The following LGMN variants were observed in gnomAD, a reference collection of about 807,000 sequenced individuals.
LGMN encodes asparaginyl endopeptidase.
LGMN carries 36 observed loss-of-function variants against 56.8 expected under a neutral mutation model. The observed-to-expected ratio is 0.63, with a 90% CI of 0.49 to 0.84. LGMN has a LOEUF of 0.84. Ranked by LOEUF, LGMN falls within the 40% of genes least tolerant of loss-of-function variation. The pLI is 0.00. For missense variants in LGMN, 446 were observed against 556.1 expected (o/e 0.80, Z 1.99); for synonymous variants, 199 against 210.1 (o/e 0.95, Z 0.46).
chr14:92,747,630 C>T (rs1453963571), intron 1 of LGMN, among the ~76,000 whole-genome samples: 1 of 152,242 alleles, frequency 6.6e-6, no homozygotes, highest in Non-Finnish European at 1.5e-5. Flanking sequence ...CCCTTTAACA[C>T]TGGAACTGTT....
chr14:92,719,152 GCCACTGCCA>G lies in LGMN; in HGVS notation c.139-317_139-309del, dbSNP rs1255617922. Among the ~76,000 whole-genome samples, 27 of 67,102 alleles carry G rather than the reference GCCACTGCCA, an allele frequency of 4.0e-4. 1 individual carries two copies. The highest frequency in any genetic ancestry group is 1.2e-3 in the East Asian group (2 of 1,724). 44.0% of individuals were successfully genotyped at this position (67,102 alleles called of 152,430 possible). ...AACCACCGCCACCGCCACCACCACC[GCCACTGCCA>G]CCACCACCACCACCACCACCATCAC... On this transcript the variant is annotated intron_variant, in intron 2 of 13. Transcript: ENST00000334869.
At chr14:92,721,833 T>C (rs189292468) in intron 2 of LGMN, among the ~76,000 whole-genome samples, 105 of 152,298 alleles carry the variant, frequency 6.9e-4, no homozygotes, top group African/African-American at 2.5e-3. Flanking sequence ...AGGTGATGGG[T>C]ACCCAAGAAG....
At chr14:92,705,348 G>A (rs550305738) in intron 12 of LGMN, among the ~76,000 whole-genome samples, 50 of 151,718 alleles carry the variant, frequency 3.3e-4, no homozygotes, top group Non-Finnish European at 5.7e-4. Context: ...CTAAAAATAC[G>A]AAAATTAGCC....
chr14:92,722,493 GA>G (rs1890526185), intron 2 of LGMN, among the ~76,000 whole-genome samples: 1 of 151,996 alleles, frequency 6.6e-6, no homozygotes, highest in South Asian at 2.1e-4. Context: ...TGAGGCAGGA[GA>G]AATCACTTGA....
chr14:92,704,634 A>G lies in LGMN; in HGVS notation c.1259+6T>C. On this transcript the variant is annotated splice_donor_region_variant and intron_variant, in intron 13 of 13. Coordinates refer to ENST00000334869, the MANE Select transcript of LGMN (RefSeq NM_005606.7). ...ACCTTTCAAGCGTCACCGCTGCATTAGTTACCTGTGAAGCGGATACGGCTT... is the reference window on the plus strand; with the variant it reads ...ACCTTTCAAGCGTCACCGCTGCATTGGTTACCTGTGAAGCGGATACGGCTT... 1.9e-6 allele frequency: 3 copies of G among 1,607,656 alleles called. No homozygotes were observed. Among genetic ancestry groups the G allele is most frequent in the South Asian group, 1.1e-5 (1 of 90,990 alleles).
chr14:92,738,656 G>A (rs1316309648), intron 1 of LGMN, among the ~76,000 whole-genome samples: 3 of 151,920 alleles, frequency 2.0e-5, no homozygotes, highest in Non-Finnish European at 4.4e-5. Flanking sequence ...ACACAGAGTC[G>A]TGATTCCCTG....
chr14:92,736,173 A>G (rs1170490016), intron 1 of LGMN, among the ~76,000 whole-genome samples: 1 of 152,198 alleles, frequency 6.6e-6, no homozygotes, highest in Admixed American at 6.5e-5. Flanking sequence ...GCTTGTTTAG[A>G]CATAAGACAA....
chr14:92,704,127 T>C lies in LGMN; in HGVS notation c.*192A>G. On this transcript the variant is annotated 3_prime_UTR_variant, in exon 14 of 14. Coordinates refer to ENST00000334869, the MANE Select transcript of LGMN (RefSeq NM_005606.7). ...TTTTCCCACCCTAATTTGTAGTTTT[T>C]CAGAAAAGACTGGGGAAGCAGGTAA... 1 of 734,468 alleles carries C rather than the reference T, an allele frequency of 1.4e-6. No individual in the cohort carries two copies. The highest frequency in any genetic ancestry group is 2.4e-6 in the Non-Finnish European group (1 of 409,722). The allele number at this position is 734,468 out of a possible 1,614,324, so 45.5% of individuals were successfully genotyped here.
chr14:92,709,932 C>G (rs952857072), intron 10 of LGMN, 60 bp from the exon 11 acceptor site: 3 of 1,396,342 alleles, frequency 2.1e-6, no homozygotes, highest in Non-Finnish European at 2.0e-6. Context: ...GAGAGAAGGC[C>G]AGAGAGAGAG....
chr14:92,710,645 CAG>C (rs1276932616), intron 10 of LGMN, among the ~76,000 whole-genome samples: 3 of 152,224 alleles, frequency 2.0e-5, no homozygotes, highest in African/African-American at 7.2e-5. Context: ...TATAAAAACA[CAG>C]AGTTTGGAGA....
At chr14:92,730,000 GT>G in intron 2 of LGMN, among the ~76,000 whole-genome samples, 1 of 152,208 alleles carries the variant, frequency 6.6e-6, no homozygotes. Context: ...AAACAAAAAG[GT>G]TTCTGGGAGC....
At chr14:92,744,386 G>T (rs1891720931) in intron 1 of LGMN, among the ~76,000 whole-genome samples, 1 of 152,090 alleles carries the variant, frequency 6.6e-6, no homozygotes, top group Non-Finnish European at 1.5e-5. Context: ...ACCAAATGTA[G>T]GTTCATTTGA....
intron 1 of LGMN, among the ~76,000 whole-genome samples, chr14:92,738,577 C>CA (rs944311970): frequency 5.3e-5 from 8 of 150,482 alleles, no homozygotes; most frequent in South Asian, 2.1e-4. Context: ...CGCGCCCAGC[C>CA]AAAAAAAATG....
In LGMN at chr14:92,704,284, GCTCACA is replaced by G. The variant is rs562036898; in HGVS notation, c.*29_*34del. ...CTGATCAGCACACAGTCGGTGGGGC[GCTCACA>G]CTTGGAAAAGCTTCCAGGAGGCAGC... On this transcript the variant is annotated 3_prime_UTR_variant, in exon 14 of 14. Coordinates refer to ENST00000334869, the MANE Select transcript of LGMN (RefSeq NM_005606.7). 1,393 of 1,613,778 alleles carry G rather than the reference GCTCACA, an allele frequency of 8.6e-4. 13 individuals carry two copies. In the African/African-American group the frequency reaches 0.016, roughly 18 times the overall value.
intron 3 of LGMN, 43 bp downstream of exon 3, chr14:92,718,704 C>T: frequency 7.5e-7 from 1 of 1,329,794 alleles, no homozygotes; most frequent in African/African-American, 1.4e-5. Context: ...TTTTAAATAC[C>T]CTGAAGTCCT....
chr14:92,713,987 C>A, intron 6 of LGMN, 102 bp from the exon 7 acceptor site: 2 of 881,946 alleles, frequency 2.3e-6, no homozygotes, highest in Non-Finnish European at 3.9e-6. Flanking sequence ...TCTTTTCTAC[C>A]AATCCCTAGA....
chr14:92,732,125 T>A (rs1891079014), intron 2 of LGMN, among the ~76,000 whole-genome samples: 1 of 152,188 alleles, frequency 6.6e-6, no homozygotes, highest in South Asian at 2.1e-4. Flanking sequence ...GCAAGTCACC[T>A]CCACTCTCTA....
At chr14:92,723,392 A>G (rs924147834) in intron 2 of LGMN, among the ~76,000 whole-genome samples, 1 of 152,212 alleles carries the variant, frequency 6.6e-6, no homozygotes, top group African/African-American at 2.4e-5. Flanking sequence ...AAAAAAATGT[A>G]TTCACACAAA....
At chr14:92,747,035 C>CA (rs35615315) in intron 1 of LGMN, among the ~76,000 whole-genome samples, 22,790 of 78,608 alleles carry the variant, frequency 0.29, 2,890 homozygotes, top group Middle Eastern at 0.41. Context: ...GACTCCGTCT[C>CA]AAAAAAAAAA....
Sources: allele counts gnomAD v4.1 joint callset (sites outside exome capture counted in the v4.1 genomes callset), GRCh38; gene constraint gnomAD v4.1.1; transcripts MANE v1.5; gene names NCBI Gene and HGNC (gene_info 2026-07-23, HGNC 2026-07-21).